FOXO1: variants seen among roughly 807,000 people sequenced by gnomAD.
FOXO1 encodes the protein forkhead box protein O1.
In FOXO1, 6 loss-of-function variants were observed where a neutral mutation model predicts 44.1. The observed-to-expected ratio is 0.14, with a 90% CI of 0.07 to 0.27. The LOEUF is 0.27. Ranked by LOEUF, FOXO1 falls within the 10% of genes least tolerant of loss-of-function variation. The pLI, the probability that FOXO1 is intolerant of heterozygous loss-of-function variation, is 1.00. For synonymous variants in FOXO1, 380 were observed against 362.7 expected (o/e 1.05, Z -0.54); for missense variants, 737 against 888.8 (o/e 0.83, Z 2.17).
chr13:40,664,098 C>A (rs1878134290), intron 1 of FOXO1, among the ~76,000 whole-genome samples: 1 of 152,218 alleles, frequency 6.6e-6, no homozygotes, highest in Admixed American at 6.5e-5. Flanking sequence ...CATGGTGAAA[C>A]CCGGTCTCTA....
In FOXO1 at chr13:40,558,744, G is replaced by A. The variant is rs530277142; in HGVS notation, c.*305C>T. The A allele has an allele frequency of 2.5e-6, 1 of 398,486 alleles. No homozygotes were observed. The highest frequency in any genetic ancestry group is 4.4e-6 in the Non-Finnish European group (1 of 225,904). 24.7% of individuals were successfully genotyped at this position (398,486 alleles called of 1,614,324 possible). ...AAAACTTGAAAGCACACCAGGATCT[G>A]AAAATCTTTTCTGCAATTATATGGT... On this transcript the variant is annotated 3_prime_UTR_variant, in exon 3 of 3. Coordinates refer to ENST00000379561, the MANE Select transcript of FOXO1 (RefSeq NM_002015.4).
In FOXO1 at chr13:40,558,386, C is replaced by T. The variant is rs1402654941; in HGVS notation, c.*663G>A. 6.6e-6 allele frequency: 1 copy of T among 151,554 alleles called. No individual in the cohort carries two copies. The highest frequency in any genetic ancestry group is 2.5e-5 in the African/African-American group (1 of 40,582). 9.4% of individuals were successfully genotyped at this position (151,554 alleles called of 1,614,324 possible). A position where few individuals can be genotyped will look rare whatever the true frequency, so the allele number is the denominator to read the frequency against. ...ATAAACAAAAAAAAATAGAAAAGAC[C>T]TGTACAAAGCTGGCATTTAATCTTT... On this transcript the variant is annotated 3_prime_UTR_variant, in exon 3 of 3. Transcript: ENST00000379561.
chr13:40,574,211 C>T (rs1874654261), intron 1 of FOXO1, among the ~76,000 whole-genome samples: 1 of 152,152 alleles, frequency 6.6e-6, no homozygotes, highest in Admixed American at 6.5e-5. Flanking sequence ...TTTTCCACCA[C>T]AATGTATGTA....
rs541830903 is a variant in FOXO1 at position 40,623,331 on chromosome 13, T to C, written c.630+42252A>G. On this transcript the variant is annotated intron_variant, in intron 1 of 2. Transcript: ENST00000379561. ...ATTAGTTATTACTGTTGCTGACTAT[T>C]ATGAAAATCAACTTTTTTCCTCTGC... Among the ~76,000 whole-genome samples the C allele has an allele frequency of 3.7e-4, 57 of 152,328 alleles. 1 individual carries two copies. The South Asian group carries it at 0.011, about 29-fold the overall frequency.
At chr13:40,566,111 G>A (rs935370585) in intron 1 of FOXO1, among the ~76,000 whole-genome samples, 1 of 152,200 alleles carries the variant, frequency 6.6e-6, no homozygotes, top group Admixed American at 6.5e-5. Context: ...CTGGGGCCAG[G>A]GGCCTCCGAG....
chr13:40,605,183 C>T (rs765230295), intron 1 of FOXO1, among the ~76,000 whole-genome samples: 3 of 151,888 alleles, frequency 2.0e-5, no homozygotes, highest in African/African-American at 4.8e-5. Context: ...CCACACACTG[C>T]GTGGGCAACT....
intron 1 of FOXO1, among the ~76,000 whole-genome samples, chr13:40,650,991 G>C (rs1365602317): frequency 6.6e-6 from 1 of 152,158 alleles, no homozygotes; most frequent in Non-Finnish European, 1.5e-5. Flanking sequence ...CTAACCTCAA[G>C]TGATCTGCTG....
intron 1 of FOXO1, among the ~76,000 whole-genome samples, chr13:40,605,229 G>T (rs1179848859): frequency 6.6e-6 from 1 of 152,068 alleles, no homozygotes; most frequent in Non-Finnish European, 1.5e-5. Flanking sequence ...AATGTTTATA[G>T]AAGTAAATAA....
At chr13:40,620,668 G>A (rs1365473634) in intron 1 of FOXO1, among the ~76,000 whole-genome samples, 1 of 152,074 alleles carries the variant, frequency 6.6e-6, no homozygotes, top group Non-Finnish European at 1.5e-5. Flanking sequence ...GGCCCAAGGA[G>A]ACAGCACTGA....
intron 1 of FOXO1, among the ~76,000 whole-genome samples, chr13:40,576,799 A>AT (rs1189769274): frequency 1.3e-5 from 2 of 152,214 alleles, no homozygotes; most frequent in Admixed American, 1.3e-4. Flanking sequence ...TTGAAAACAG[A>AT]TTTTAAAAGT....
At chr13:40,633,122 T>C (rs1158558437) in intron 1 of FOXO1, among the ~76,000 whole-genome samples, 1 of 152,234 alleles carries the variant, frequency 6.6e-6, no homozygotes, top group African/African-American at 2.4e-5. Context: ...TCATCAAGGT[T>C]GTAGAGAGAT....
At chr13:40,656,989 C>T (rs1877879367) in intron 1 of FOXO1, among the ~76,000 whole-genome samples, 1 of 152,104 alleles carries the variant, frequency 6.6e-6, no homozygotes, top group South Asian at 2.1e-4. Flanking sequence ...CGCCACCACA[C>T]TTGGCTAATT....
At chr13:40,652,027 C>A (rs562147332) in intron 1 of FOXO1, among the ~76,000 whole-genome samples, 5 of 152,258 alleles carry the variant, frequency 3.3e-5, no homozygotes, top group South Asian at 2.1e-4. Flanking sequence ...ACATACCTAC[C>A]CATCCAGAGA....
chr13:40,629,144 C>CTT (rs71961639), intron 1 of FOXO1, among the ~76,000 whole-genome samples: 93 of 141,660 alleles, frequency 6.6e-4, no homozygotes, highest in East Asian at 2.3e-3. Context: ...AACAACATGA[C>CTT]TTTTTTTTTT....
At chr13:40,627,756 C>G (rs552930618) in intron 1 of FOXO1, among the ~76,000 whole-genome samples, 7 of 151,956 alleles carry the variant, frequency 4.6e-5, no homozygotes, top group African/African-American at 1.7e-4. Flanking sequence ...TCGCTTGAAC[C>G]CGGGAGGCAG....
chr13:40,633,931 G>A (rs955487373), intron 1 of FOXO1, among the ~76,000 whole-genome samples: 5 of 152,162 alleles, frequency 3.3e-5, no homozygotes, highest in African/African-American at 1.2e-4. Context: ...CAGTAGAAAT[G>A]CATGCTATTC....
chr13:40,637,646 C>T (rs80100743), intron 1 of FOXO1, among the ~76,000 whole-genome samples: 3,473 of 152,082 alleles, frequency 0.023, 142 homozygotes, highest in African/African-American at 0.08. Context: ...ACACAGCAAA[C>T]GCTACTCTAG....
chr13:40,655,704 A>G (rs1250064254), intron 1 of FOXO1, among the ~76,000 whole-genome samples: 1 of 130,972 alleles, frequency 7.6e-6, no homozygotes, highest in African/African-American at 3.0e-5. Context: ...GTGTCGTGGC[A>G]TAATCTCAGC....
intron 1 of FOXO1, among the ~76,000 whole-genome samples, chr13:40,628,065 A>G (rs1052270574): frequency 1.3e-5 from 2 of 152,206 alleles, no homozygotes; most frequent in African/African-American, 4.8e-5. Context: ...ATATATACAT[A>G]CATAAAGGAT....
Sources: gnomAD v4.1 joint callset for allele counts (sites outside exome capture counted in the v4.1 genomes callset) on GRCh38, gnomAD v4.1.1 for gene constraint, MANE v1.5 for transcripts, NCBI Gene and HGNC (gene_info 2026-07-23, HGNC 2026-07-21) for gene names.